The following LRRC69 variants were observed in gnomAD, a reference collection of about 807,000 sequenced individuals.
LRRC69 encodes the protein leucine rich repeat containing 69.
A neutral mutation model predicts 37.8 loss-of-function variants in LRRC69; 42 were observed. That is an observed-to-expected ratio of 1.11 (90% CI 0.87 to 1.44). The LOEUF (loss-of-function observed/expected upper bound fraction) is 1.44, where lower values mean the gene tolerates loss of function less well. Among genes scored for constraint, LRRC69 ranks in the 40% most tolerant of loss-of-function variants. The probability of loss-of-function intolerance (pLI) is 0.00; values close to 1 mark genes in which losing one functional copy is unlikely to be tolerated. For missense variants in LRRC69, 357 were observed against 401.9 expected, an observed-to-expected ratio of 0.89 and a Z score of 0.96; for synonymous variants, 141 against 143.1, an observed-to-expected ratio of 0.99 and a Z score of 0.11.
At chr8:91,139,817 G>A (rs963972499) in intron 5 of LRRC69, among the ~76,000 whole-genome samples, 3 of 151,380 alleles carry the variant, frequency 2.0e-5, no homozygotes, top group African/African-American at 7.3e-5. Flanking sequence ...GGCCAGGCGC[G>A]GTGGCTTACG....
At chr8:91,171,191 TCG>T (rs1204294964) in intron 5 of LRRC69, among the ~76,000 whole-genome samples, 7 of 152,054 alleles carry the variant, frequency 4.6e-5, no homozygotes, top group Non-Finnish European at 7.3e-5. Flanking sequence ...TAAGGCTGAA[TCG>T]TGTTTCTCAA....
intron 5 of LRRC69, among the ~76,000 whole-genome samples, chr8:91,177,723 A>G (rs969092824): frequency 6.6e-6 from 1 of 152,186 alleles, no homozygotes; most frequent in Non-Finnish European, 1.5e-5. Flanking sequence ...TTCTGGAGAA[A>G]TAAAAGTCTG....
chr8:91,195,055 A>G (rs1412658557), intron 6 of LRRC69, among the ~76,000 whole-genome samples: 10 of 152,040 alleles, frequency 6.6e-5, no homozygotes, highest in Admixed American at 6.6e-5. Flanking sequence ...CTTTGTTCTC[A>G]TTGGTTTCAA....
intron 7 of LRRC69, among the ~76,000 whole-genome samples, chr8:91,215,183 A>G (rs758039936): frequency 2.0e-5 from 3 of 152,124 alleles, no homozygotes; most frequent in Non-Finnish European, 4.4e-5. Context: ...GGTGACATGC[A>G]TATTCATGAA....
intron 6 of LRRC69, among the ~76,000 whole-genome samples, chr8:91,193,026 A>G (rs1809528749): frequency 6.6e-6 from 1 of 151,188 alleles, no homozygotes; most frequent in African/African-American, 2.4e-5. Flanking sequence ...ATTTTTGTAT[A>G]AGGTGTAAGG....
chr8:91,129,274 C>T (rs953748784), intron 3 of LRRC69, among the ~76,000 whole-genome samples: 3 of 152,082 alleles, frequency 2.0e-5, no homozygotes, highest in African/African-American at 7.2e-5. Context: ...TCTCCAAATT[C>T]GTCAGTCAGT....
At chr8:91,109,248 C>T (rs1813371250) in intron 1 of LRRC69, among the ~76,000 whole-genome samples, 1 of 152,086 alleles carries the variant, frequency 6.6e-6, no homozygotes, top group East Asian at 1.9e-4. Context: ...GCTTCTCTCT[C>T]TGCTGGCAGG....
At chr8:91,135,685 A>T in exon 5 of LRRC69, 1 of 1,477,792 alleles carries the variant, frequency 6.8e-7, no homozygotes, top group Non-Finnish European at 9.0e-7. Context: ...GTGATCTTAA[A>T]AAACTAAGAA....
chr8:91,209,801 G>A (rs148778402), intron 7 of LRRC69, among the ~76,000 whole-genome samples: 85 of 152,320 alleles, frequency 5.6e-4, no homozygotes, highest in African/African-American at 2.0e-3. Context: ...AAGGGAATGA[G>A]TAAGCCAAGA....
intron 6 of LRRC69, among the ~76,000 whole-genome samples, chr8:91,200,379 A>G (rs1016300323): frequency 6.6e-6 from 1 of 152,210 alleles, no homozygotes. Context: ...TCCTATATGT[A>G]AGAGATGTAG....
rs1808868352 is a variant in LRRC69 at position 91,158,078 on chromosome 8, GC to G, written c.651+22342del. 274 of 1,444,874 alleles carry G rather than the reference GC, an allele frequency of 1.9e-4. 1 individual carries two copies. In the South Asian group the frequency reaches 3.0e-3, roughly 16 times the overall value. The allele number at this position is 1,444,874 out of a possible 1,614,324, so 89.5% of individuals were successfully genotyped here. On this transcript the variant is annotated intron_variant, in intron 5 of 7. Transcript: ENST00000448384. ...GACCACAAGGCCCTACTCAATACAT[GC>G]CCATGGGGTACAAACGGAGAGTTCT...
intron 3 of LRRC69, among the ~76,000 whole-genome samples, chr8:91,129,823 G>A (rs1266568382): frequency 6.6e-6 from 1 of 151,788 alleles, no homozygotes; most frequent in Non-Finnish European, 1.5e-5. Context: ...GAAGTCCCGT[G>A]TCTTTTGCTT....
chr8:91,184,678 C>A (rs1479491462), intron 5 of LRRC69, among the ~76,000 whole-genome samples: 3 of 152,180 alleles, frequency 2.0e-5, no homozygotes, highest in African/African-American at 7.2e-5. Context: ...GTCATAAGCA[C>A]TTTCCCTCTC....
At chr8:91,109,513 T>C (rs1470230516) in intron 1 of LRRC69, among the ~76,000 whole-genome samples, 2 of 152,144 alleles carry the variant, frequency 1.3e-5, no homozygotes, top group East Asian at 3.8e-4. Context: ...TTTAATTGAA[T>C]GTTAAAATTT....
At chr8:91,171,947 A>AG (rs1809139900) in intron 5 of LRRC69, among the ~76,000 whole-genome samples, 1 of 84,946 alleles carries the variant, frequency 1.2e-5, no homozygotes. Context: ...ATGCACATGG[A>AG]GGTTTTTTTT....
chr8:91,180,984 GA>G (rs138678909), intron 5 of LRRC69, among the ~76,000 whole-genome samples: 5,019 of 152,198 alleles, frequency 0.033, 269 homozygotes, highest in African/African-American at 0.11. Context: ...AAAATCTCTG[GA>G]ATCAGTCAAA....
chr8:91,167,114 G>T (rs755864374), intron 5 of LRRC69, among the ~76,000 whole-genome samples: 23 of 151,852 alleles, frequency 1.5e-4, no homozygotes, highest in South Asian at 8.3e-4. Context: ...TACTACAGGA[G>T]CAGCAAAATA....
chr8:91,210,945 G>A (rs1452754248), intron 7 of LRRC69, among the ~76,000 whole-genome samples: 1 of 152,046 alleles, frequency 6.6e-6, no homozygotes, highest in Non-Finnish European at 1.5e-5. Context: ...ACACATTTTG[G>A]TAAAACTATA....
intron 5 of LRRC69, among the ~76,000 whole-genome samples, chr8:91,145,646 A>G (rs1265209478): frequency 1.3e-5 from 2 of 151,692 alleles, no homozygotes; most frequent in South Asian, 2.1e-4. Context: ...AAACAAGCCA[A>G]TGCTATTCTA....
Sources: gnomAD v4.1 joint callset for allele counts (sites outside exome capture counted in the v4.1 genomes callset) on GRCh38, gnomAD v4.1.1 for gene constraint, MANE v1.5 for transcripts, NCBI Gene and HGNC (gene_info 2026-07-23, HGNC 2026-07-21) for gene names.